Variants in BTBD7 observed in about 807,000 individuals in gnomAD.
BTBD7 encodes the protein BTB/POZ domain-containing protein 7.
BTBD7 carries 38 observed loss-of-function variants against 99.9 expected under a neutral mutation model. That is an observed-to-expected ratio of 0.38 (90% CI 0.29 to 0.50). The LOEUF (loss-of-function observed/expected upper bound fraction) is 0.50, where lower values mean the gene tolerates loss of function less well. Among genes scored for constraint, BTBD7 ranks in the 20% least tolerant of loss-of-function variants. BTBD7 has a pLI of 0.93. For synonymous variants in BTBD7, 520 were observed against 511.4 expected (o/e 1.02, Z -0.23); for missense variants, 1,170 against 1,394.6 (o/e 0.84, Z 2.57).
chr14:93,287,151 C>A (rs2052788600), intron 3 of BTBD7, among the ~76,000 whole-genome samples: 1 of 150,886 alleles, frequency 6.6e-6, no homozygotes, highest in African/African-American at 2.5e-5. Flanking sequence ...ATCGCTTGAA[C>A]CTGGGAGGCA....
At position 93,326,699 on chromosome 14, in the gene BTBD7, G is replaced by T. The variant is rs557452567; in HGVS notation, c.-107+6121C>A. Among the ~76,000 whole-genome samples, 3 of 152,122 alleles carry T rather than the reference G, an allele frequency of 2.0e-5. 1 individual carries two copies. The highest frequency in any genetic ancestry group is 2.0e-4 in the Admixed American group (3 of 15,280). ...TACCTACAGTCCCAGCTACTTGGGA[G>T]GCTGAGGCAGGAGAGAATCACTTGA... On this transcript the variant is annotated intron_variant, in intron 1 of 10. Coordinates refer to ENST00000334746, the MANE Select transcript of BTBD7 (RefSeq NM_001002860.4).
intron 1 of BTBD7, among the ~76,000 whole-genome samples, chr14:93,308,204 G>A (rs1442543324): frequency 2.0e-5 from 3 of 151,194 alleles, no homozygotes; most frequent in Admixed American, 1.3e-4. Flanking sequence ...GGAGAATGGC[G>A]TGAGCCTGGG....
chr14:93,253,899 T>C (rs1398364582), intron 6 of BTBD7, 109 bp from the exon 7 acceptor site: 1 of 552,556 alleles, frequency 1.8e-6, no homozygotes, highest in African/African-American at 2.0e-5. Context: ...CTTTATCATT[T>C]AAATAAAAAT....
chr14:93,295,880 C>A, intron 2 of BTBD7, 90 bp downstream of exon 2: 1 of 1,168,682 alleles, frequency 8.6e-7, no homozygotes, highest in Non-Finnish European at 1.2e-6. Flanking sequence ...ATAACTACAG[C>A]TCACTTCTTT....
chr14:93,249,882 G>A (rs2052352268), intron 8 of BTBD7, among the ~76,000 whole-genome samples: 1 of 152,180 alleles, frequency 6.6e-6, no homozygotes, highest in African/African-American at 2.4e-5. Context: ...ATTTATGAAA[G>A]AAACTGACTA....
intron 3 of BTBD7, among the ~76,000 whole-genome samples, chr14:93,266,188 A>T (rs2052541399): frequency 6.6e-6 from 1 of 152,106 alleles, no homozygotes; most frequent in Admixed American, 6.5e-5. Context: ...CACTGAATGA[A>T]TGCAAAATGT....
In BTBD7 at chr14:93,296,175, A is replaced by C; in HGVS notation, c.-106-18T>G. The C allele has an allele frequency of 1.6e-6, 2 of 1,288,240 alleles. No homozygotes were observed. The highest frequency in any genetic ancestry group is 5.9e-4 in the Middle Eastern group (2 of 3,372). 79.8% of individuals were successfully genotyped at this position (1,288,240 alleles called of 1,614,324 possible). A position where few individuals can be genotyped will look rare whatever the true frequency, so the allele number is the denominator to read the frequency against. ...ATCCATTTCTTGATATGAAATAAAA[A>C]TAATTTAATTCATTTTTTCAAGTGT... On this transcript the variant is annotated intron_variant, in intron 1 of 10. Transcript: ENST00000334746.
rs192923794 is a variant in BTBD7 at position 93,240,480 on chromosome 14, C to A, written c.*1793G>T. 1 of 152,590 alleles carries A rather than the reference C, an allele frequency of 6.6e-6. No individual in the cohort carries two copies. The highest frequency in any genetic ancestry group is 1.9e-4 in the East Asian group (1 of 5,196). 9.5% of individuals were successfully genotyped at this position (152,590 alleles called of 1,614,324 possible). ...TCAAAGTGCATGTAATTCATTTACC[C>A]GGTAGCTCATAAACGCTCCCTAGCC... On this transcript the variant is annotated 3_prime_UTR_variant, in exon 11 of 11. Transcript: ENST00000334746.
intron 1 of BTBD7, among the ~76,000 whole-genome samples, chr14:93,297,263 G>A (rs931995560): frequency 3.6e-4 from 55 of 152,298 alleles, no homozygotes; most frequent in Non-Finnish European, 1.8e-4. Flanking sequence ...ATGAATTCAT[G>A]TTTAAAAATA....
intron 1 of BTBD7, among the ~76,000 whole-genome samples, chr14:93,303,352 C>G (rs1365762485): frequency 6.6e-6 from 1 of 151,802 alleles, no homozygotes; most frequent in East Asian, 1.9e-4. Context: ...GCCTGTAATC[C>G]TGGCACTTCA....
intron 3 of BTBD7, among the ~76,000 whole-genome samples, chr14:93,266,005 A>C (rs1165469940): frequency 6.6e-6 from 1 of 152,246 alleles, no homozygotes; most frequent in Non-Finnish European, 1.5e-5. Flanking sequence ...CCAAACTTGG[A>C]AACACAGTTA....
chr14:93,300,083 T>C (rs571438413), intron 1 of BTBD7, among the ~76,000 whole-genome samples: 1 of 152,272 alleles, frequency 6.6e-6, no homozygotes, highest in South Asian at 2.1e-4. Flanking sequence ...GATTCGGTTA[T>C]CTCTGTGTCA....
intron 1 of BTBD7, among the ~76,000 whole-genome samples, chr14:93,324,402 A>C (rs548993336): frequency 4.6e-5 from 6 of 130,602 alleles, no homozygotes; most frequent in Non-Finnish European, 8.0e-5. Flanking sequence ...AGCCTGGGTG[A>C]CAGAGCGAGA....
At chr14:93,286,801 C>T (rs940285200) in intron 3 of BTBD7, among the ~76,000 whole-genome samples, 3 of 152,162 alleles carry the variant, frequency 2.0e-5, no homozygotes, top group African/African-American at 7.2e-5. Context: ...AGTAACAGCC[C>T]TCTGTACATT....
intron 3 of BTBD7, among the ~76,000 whole-genome samples, chr14:93,281,749 C>T (rs1036353526): frequency 3.9e-5 from 6 of 152,278 alleles, no homozygotes; most frequent in African/African-American, 1.2e-4. Flanking sequence ...AAACTGGCCA[C>T]AGTATATCAC....
intron 3 of BTBD7, 43 bp downstream of exon 3, chr14:93,293,815 T>C (rs759217904): frequency 8.4e-6 from 13 of 1,554,596 alleles, no homozygotes; most frequent in Non-Finnish European, 1.0e-5. Flanking sequence ...GGAAGATCAA[T>C]ACATAATTCT....
At chr14:93,265,529 C>T (rs1367740176) in intron 3 of BTBD7, among the ~76,000 whole-genome samples, 1 of 152,242 alleles carries the variant, frequency 6.6e-6, no homozygotes, top group Non-Finnish European at 1.5e-5. Context: ...CATGAAGAGA[C>T]AGGGGATGGG....
At chr14:93,277,674 A>G (rs1195915650) in intron 3 of BTBD7, among the ~76,000 whole-genome samples, 1 of 152,296 alleles carries the variant, frequency 6.6e-6, no homozygotes, top group East Asian at 1.9e-4. Flanking sequence ...TCCATTGCTT[A>G]CCTTATGGTA....
chr14:93,268,419 T>C (rs1029199757), intron 3 of BTBD7, among the ~76,000 whole-genome samples: 2 of 152,244 alleles, frequency 1.3e-5, no homozygotes, highest in Non-Finnish European at 2.9e-5. Flanking sequence ...CCCCATCTTA[T>C]CTGATTCTAT....
Sources: allele counts gnomAD v4.1 joint callset (sites outside exome capture counted in the v4.1 genomes callset), GRCh38; gene constraint gnomAD v4.1.1; transcripts MANE v1.5; gene names NCBI Gene and HGNC (gene_info 2026-07-23, HGNC 2026-07-21).